Variants in MMP26 observed in about 807,000 individuals in gnomAD.
MMP26 encodes matrix metalloproteinase-26.
MMP26 carries 33 observed loss-of-function variants against 31.0 expected under a neutral mutation model. The observed-to-expected ratio is 1.06, with a 90% CI of 0.81 to 1.42. The LOEUF (loss-of-function observed/expected upper bound fraction) is 1.42, where lower values mean the gene tolerates loss of function less well. Ranked by LOEUF, MMP26 falls within the 40% of genes most tolerant of loss-of-function variation. MMP26 has a pLI of 0.00. For synonymous variants in MMP26, 122 were observed against 114.9 expected (o/e 1.06, Z -0.40); for missense variants, 347 against 316.1 (o/e 1.10, Z -0.74).
intron 2 of MMP26, among the ~76,000 whole-genome samples, chr11:4,826,655 T>C (rs1353166311): frequency 6.6e-6 from 1 of 152,116 alleles, no homozygotes; most frequent in East Asian, 1.9e-4. Context: ...AAACCTCTTC[T>C]TCTCCTTTCA....
At chr11:4,914,745 G>C (rs145892529) in intron 2 of MMP26, 2 of 1,612,274 alleles carry the variant, frequency 1.2e-6, no homozygotes, top group Non-Finnish European at 1.7e-6. Context: ...TGCGTCACTC[G>C]ATCCCGGATC....
chr11:4,947,886 G>T (rs1846335254), intron 2 of MMP26, among the ~76,000 whole-genome samples: 1 of 125,090 alleles, frequency 8.0e-6, no homozygotes, highest in African/African-American at 2.7e-5. Context: ...TAAATTATCT[G>T]CAAAACTAGG....
chr11:4,907,705 C>A, intron 2 of MMP26: 1 of 1,613,892 alleles, frequency 6.2e-7, no homozygotes, highest in Non-Finnish European at 8.5e-7. Context: ...TCATGGAATC[C>A]TCAGTACTTC....
chr11:4,838,011 A>G (rs748010494), intron 2 of MMP26, among the ~76,000 whole-genome samples: 4 of 152,028 alleles, frequency 2.6e-5, no homozygotes, highest in East Asian at 1.9e-4. Context: ...GCATTCTCTG[A>G]CATAGTATAG....
intron 2 of MMP26, chr11:4,822,297 T>A: frequency 6.5e-7 from 1 of 1,536,616 alleles, no homozygotes; most frequent in South Asian, 1.3e-5. Flanking sequence ...TCAACCCTAT[T>A]ATTTACAGTG....
At chr11:4,895,330 G>A (rs1396856026) in intron 2 of MMP26, among the ~76,000 whole-genome samples, 8 of 152,040 alleles carry the variant, frequency 5.3e-5, no homozygotes, top group Admixed American at 1.3e-4. Flanking sequence ...AAACCATAAC[G>A]TCATCTCACC....
chr11:4,771,385 C>T (rs1848717590), intron 2 of MMP26, among the ~76,000 whole-genome samples: 1 of 152,080 alleles, frequency 6.6e-6, no homozygotes, highest in Admixed American at 6.5e-5. Flanking sequence ...ACCTTTTTCT[C>T]TGTGAAGTAT....
chr11:4,731,436 T>G (rs950492104), intron 1 of MMP26, among the ~76,000 whole-genome samples: 1 of 152,186 alleles, frequency 6.6e-6, no homozygotes, highest in African/African-American at 2.4e-5. Context: ...GTTTTTTCAG[T>G]ATGAAGATGA....
intron 1 of MMP26, among the ~76,000 whole-genome samples, chr11:4,765,128 TGTC>T (rs1226598490): frequency 6.6e-6 from 1 of 152,174 alleles, no homozygotes. Context: ...TCTCTTCATA[TGTC>T]GGAGCATGGG....
At chr11:4,974,701 G>C (rs970918888) in intron 2 of MMP26, among the ~76,000 whole-genome samples, 1 of 151,976 alleles carries the variant, frequency 6.6e-6, no homozygotes, top group Admixed American at 6.6e-5. Context: ...TCTTAACTCT[G>C]TATACACCTT....
chr11:4,895,864 C>T (rs1564802236), intron 2 of MMP26, among the ~76,000 whole-genome samples: 1 of 152,158 alleles, frequency 6.6e-6, no homozygotes. Context: ...CTGGGGGAAG[C>T]TATGATCACA....
chr11:4,823,917 A>T (rs537454517), intron 2 of MMP26, among the ~76,000 whole-genome samples: 1 of 152,182 alleles, frequency 6.6e-6, no homozygotes, highest in African/African-American at 2.4e-5. Context: ...TAAGTTAACC[A>T]AAAGAGAGCA....
intron 1 of MMP26, among the ~76,000 whole-genome samples, chr11:4,733,979 T>C (rs1848206310): frequency 1.3e-5 from 2 of 152,230 alleles, no homozygotes; most frequent in African/African-American, 4.8e-5. Context: ...CAGCTTTTTT[T>C]CTAATGTTAA....
At chr11:4,942,185 A>T (rs1005884819) in intron 2 of MMP26, among the ~76,000 whole-genome samples, 32 of 151,046 alleles carry the variant, frequency 2.1e-4, no homozygotes, top group African/African-American at 7.5e-4. Flanking sequence ...AATTAAGTTG[A>T]CTAAGGACTG....
intron 1 of MMP26, among the ~76,000 whole-genome samples, chr11:4,743,599 A>T (rs1848341911): frequency 6.6e-6 from 1 of 152,174 alleles, no homozygotes; most frequent in Non-Finnish European, 1.5e-5. Context: ...TACCATTCCC[A>T]CTACTAGAGA....
intron 2 of MMP26, among the ~76,000 whole-genome samples, chr11:4,981,140 G>A (rs989469897): frequency 4.6e-5 from 7 of 152,034 alleles, no homozygotes; most frequent in Non-Finnish European, 7.4e-5. Context: ...GCAAAGGAGA[G>A]TCAAGGAACT....
At chr11:4,892,655 G>T (rs12796618) in intron 2 of MMP26, among the ~76,000 whole-genome samples, 13,191 of 152,152 alleles carry the variant, frequency 0.087, 716 homozygotes, top group Middle Eastern at 0.19. Flanking sequence ...AATTATTTTT[G>T]TTCTGTGTGA....
intron 2 of MMP26, among the ~76,000 whole-genome samples, chr11:4,901,149 C>CTTTTTTTTT (rs55678976): frequency 9.5e-5 from 8 of 84,514 alleles, no homozygotes; most frequent in South Asian, 5.2e-4. Flanking sequence ...CCTCTTTGTG[C>CTTTTTTTTT]TTTTTTTTTT....
At chr11:4,754,779 TA>T (rs1209733270) in intron 1 of MMP26, among the ~76,000 whole-genome samples, 1 of 152,162 alleles carries the variant, frequency 6.6e-6, no homozygotes, top group South Asian at 2.1e-4. Context: ...TTCATTTTTC[TA>T]CTTTAAAGCT....
Sources: allele counts gnomAD v4.1 joint callset (sites outside exome capture counted in the v4.1 genomes callset), GRCh38; gene constraint gnomAD v4.1.1; transcripts MANE v1.5; gene names NCBI Gene and HGNC (gene_info 2026-07-23, HGNC 2026-07-21).